The following STPG2 variants were observed in gnomAD, a reference collection of about 807,000 sequenced individuals.
The protein encoded by STPG2 is sperm-tail PG-rich repeat-containing protein 2.
In STPG2, 56 loss-of-function variants were observed where a neutral mutation model predicts 54.2. That is an observed-to-expected ratio of 1.03 (90% CI 0.83 to 1.29). STPG2 has a LOEUF of 1.29. STPG2 is among the 50% of genes most tolerant of loss of function. The pLI is 0.00. For synonymous variants in STPG2, 200 were observed against 181.8 expected (o/e 1.10, Z -0.81); for missense variants, 596 against 544.9 (o/e 1.09, Z -0.93).
intron 4 of STPG2, among the ~76,000 whole-genome samples, chr4:97,530,802 G>A (rs1026147625): frequency 2.6e-4 from 39 of 152,052 alleles, no homozygotes; most frequent in East Asian, 2.1e-3. Flanking sequence ...TCCCAGCAGC[G>A]GTGAGCTGTG....
chr4:97,537,732 G>C (rs959517178), intron 4 of STPG2, among the ~76,000 whole-genome samples: 3 of 152,166 alleles, frequency 2.0e-5, no homozygotes, highest in Non-Finnish European at 2.9e-5. Flanking sequence ...ATCTGAGAAT[G>C]GACAGACTGC....
intron 4 of STPG2, among the ~76,000 whole-genome samples, chr4:97,455,592 G>C (rs1328211752): frequency 6.6e-5 from 10 of 152,136 alleles, no homozygotes; most frequent in Non-Finnish European, 1.5e-4. Flanking sequence ...ATCCCCTTCT[G>C]GCTCTCCCAT....
chr4:97,452,246 G>A (rs1003880453), intron 4 of STPG2, among the ~76,000 whole-genome samples: 3 of 151,690 alleles, frequency 2.0e-5, no homozygotes, highest in African/African-American at 4.8e-5. Context: ...GCTCAGAAAC[G>A]CCTGCTCCTG....
chr4:97,800,470 A>G (rs1304224568), intron 9 of STPG2, among the ~76,000 whole-genome samples: 1 of 152,214 alleles, frequency 6.6e-6, no homozygotes, highest in Non-Finnish European at 1.5e-5. Context: ...TTATCTGGGT[A>G]TCAGCAGTGG....
intron 4 of STPG2, among the ~76,000 whole-genome samples, chr4:97,536,307 G>A (rs1378943593): frequency 6.6e-6 from 1 of 152,116 alleles, no homozygotes; most frequent in Non-Finnish European, 1.5e-5. Flanking sequence ...GTCAAGGGAG[G>A]GAGCTGGTGG....
chr4:97,986,965 A>G (rs1338533918), intron 5 of STPG2, among the ~76,000 whole-genome samples: 2 of 152,170 alleles, frequency 1.3e-5, no homozygotes, highest in African/African-American at 2.4e-5. Context: ...TTGACTTTTA[A>G]TGTCATATTT....
intron 8 of STPG2, among the ~76,000 whole-genome samples, chr4:97,888,811 C>A (rs1452676687): frequency 6.6e-6 from 1 of 152,148 alleles, no homozygotes; most frequent in South Asian, 2.1e-4. Context: ...CAAATTGCAA[C>A]CCCCAGTGTT....
intron 5 of STPG2, among the ~76,000 whole-genome samples, chr4:98,010,451 CT>C (rs978766072): frequency 2.0e-5 from 3 of 152,084 alleles, no homozygotes; most frequent in African/African-American, 4.8e-5. Context: ...TCTTGCTCTA[CT>C]TTGTTTAGTA....
At chr4:97,793,386 C>T (rs986404294) in intron 9 of STPG2, among the ~76,000 whole-genome samples, 15 of 151,458 alleles carry the variant, frequency 9.9e-5, no homozygotes, top group Non-Finnish European at 1.5e-4. Flanking sequence ...CACACACACA[C>T]ACACACACAC....
chr4:97,994,074 T>G (rs1482162142), intron 5 of STPG2, among the ~76,000 whole-genome samples: 1 of 152,184 alleles, frequency 6.6e-6, no homozygotes, highest in African/African-American at 2.4e-5. Context: ...GTTTTGTTGT[T>G]GTTGTTGTTG....
At chr4:97,580,201 C>T (rs181311264) in intron 10 of STPG2, among the ~76,000 whole-genome samples, 1 of 151,938 alleles carries the variant, frequency 6.6e-6, no homozygotes, top group East Asian at 1.9e-4. Context: ...ACTCATTGTC[C>T]GTATTTATTC....
intron 5 of STPG2, among the ~76,000 whole-genome samples, chr4:97,986,982 C>T (rs1427942918): frequency 2.0e-5 from 3 of 152,110 alleles, no homozygotes; most frequent in African/African-American, 7.2e-5. Context: ...ATTTTCCAGG[C>T]CCTGGTACTC....
chr4:97,983,219 T>A (rs1734732259), intron 5 of STPG2, among the ~76,000 whole-genome samples: 1 of 152,234 alleles, frequency 6.6e-6, no homozygotes, highest in South Asian at 2.1e-4. Flanking sequence ...ATAGTAAATA[T>A]ATTTTCTCTT....
chr4:98,056,626 G>GA (rs375195085), intron 5 of STPG2, among the ~76,000 whole-genome samples: 203 of 149,146 alleles, frequency 1.4e-3, no homozygotes, highest in Admixed American at 3.7e-3. Flanking sequence ...CATCAAAAAG[G>GA]AAAAAAAAAA....
intron 10 of STPG2, among the ~76,000 whole-genome samples, chr4:97,578,369 G>A (rs1031445238): frequency 3.3e-5 from 5 of 152,014 alleles, no homozygotes; most frequent in African/African-American, 1.2e-4. Flanking sequence ...AGGAGGTCAT[G>A]GGAAGTTTCA....
intron 10 of STPG2, among the ~76,000 whole-genome samples, chr4:97,698,152 C>T (rs759664619): frequency 4.5e-4 from 68 of 152,246 alleles, no homozygotes; most frequent in Non-Finnish European, 3.4e-4. Context: ...GCAAGAACCT[C>T]AGCAGGTCGT....
At chr4:98,114,767 G>T (rs1412884681) in intron 3 of STPG2, among the ~76,000 whole-genome samples, 63 of 136,826 alleles carry the variant, frequency 4.6e-4, no homozygotes, top group Admixed American at 1.3e-3. Context: ...TTTTTTTTTT[G>T]TGTGTGTGTG....
chr4:97,921,017 G>T lies in STPG2; in HGVS notation c.1044+22880C>A, dbSNP rs1413695495. On this transcript the variant is annotated intron_variant, in intron 8 of 10. Transcript: ENST00000295268. ...GTGGATAACCTTAACAAGAGCTAAA[G>T]AATTCAGGTGAGACATTACAGCACC... Among the ~76,000 whole-genome samples the T allele has an allele frequency of 3.3e-5, 5 of 152,142 alleles. No homozygotes were observed. In the East Asian group the frequency reaches 9.6e-4, roughly 29 times the overall value.
chr4:97,564,070 G>A (rs1252244342), intron 10 of STPG2, among the ~76,000 whole-genome samples: 1 of 152,152 alleles, frequency 6.6e-6, no homozygotes, highest in Non-Finnish European at 1.5e-5. Flanking sequence ...GAGAGTCTAA[G>A]TCTCATTGTA....
Sources: allele counts gnomAD v4.1 joint callset (sites outside exome capture counted in the v4.1 genomes callset), GRCh38; gene constraint gnomAD v4.1.1; transcripts MANE v1.5; gene names NCBI Gene and HGNC (gene_info 2026-07-23, HGNC 2026-07-21).